ANO6: variants seen among roughly 807,000 people sequenced by gnomAD.
ANO6 encodes the protein anoctamin 6.
Under a neutral mutation model 117.5 loss-of-function variants are expected in ANO6, and 106 were observed. That is an observed-to-expected ratio of 0.90 (90% CI 0.77 to 1.06). The LOEUF (loss-of-function observed/expected upper bound fraction) is 1.06, where lower values mean the gene tolerates loss of function less well. Ranked by LOEUF, ANO6 falls within the 50% of genes least tolerant of loss-of-function variation. The pLI is 0.00. For synonymous variants in ANO6, 367 were observed against 385.1 expected (o/e 0.95, Z 0.55); for missense variants, 955 against 1,121.1 (o/e 0.85, Z 2.12).
intron 1 of ANO6, among the ~76,000 whole-genome samples, chr12:45,293,298 A>G (rs1351383038): frequency 6.6e-6 from 1 of 152,186 alleles, no homozygotes; most frequent in Non-Finnish European, 1.5e-5. Context: ...GTTGAATAAG[A>G]CAATGGCTTG....
rs1943625972 is a variant in ANO6 at position 45,431,279 on chromosome 12, T to G, written c.*1968T>G. 4 of 985,268 alleles carry G rather than the reference T, an allele frequency of 4.1e-6. 1 individual carries two copies. In the South Asian group the frequency reaches 1.9e-4, roughly 46 times the overall value. The allele number at this position is 985,268 out of a possible 1,614,324, so 61.0% of individuals were successfully genotyped here. On this transcript the variant is annotated 3_prime_UTR_variant, in exon 20 of 20. Coordinates refer to ENST00000320560, the MANE Select transcript of ANO6 (RefSeq NM_001025356.3). ...GACGGGAGTGCCACTGTTCCTCTCT[T>G]CACTCCTGAGATACTGCTTCTGGAA...
At chr12:45,356,488 CA>C (rs1941415084) in intron 7 of ANO6, among the ~76,000 whole-genome samples, 1 of 152,088 alleles carries the variant, frequency 6.6e-6, no homozygotes, top group East Asian at 1.9e-4. Flanking sequence ...ATAACATGAA[CA>C]ATCAATTAAC....
At chr12:45,359,296 T>C (rs752815094) in intron 8 of ANO6, among the ~76,000 whole-genome samples, 9 of 152,214 alleles carry the variant, frequency 5.9e-5, no homozygotes, top group African/African-American at 1.2e-4. Flanking sequence ...CTTGTGAATC[T>C]ACTCAGTATG....
intron 2 of ANO6, among the ~76,000 whole-genome samples, chr12:45,302,434 A>C (rs1939525994): frequency 1.3e-5 from 2 of 152,198 alleles, no homozygotes; most frequent in African/African-American, 4.8e-5. Flanking sequence ...TCTGGAAAGC[A>C]GTCTTTAAGC....
At chr12:45,287,382 C>T (rs1938951906) in intron 1 of ANO6, among the ~76,000 whole-genome samples, 1 of 152,184 alleles carries the variant, frequency 6.6e-6, no homozygotes, top group African/African-American at 2.4e-5. Context: ...CTCCATGCCT[C>T]TTCATCAGTG....
intron 12 of ANO6, among the ~76,000 whole-genome samples, chr12:45,395,775 T>A (rs1002556219): frequency 2.0e-5 from 3 of 152,202 alleles, no homozygotes; most frequent in Admixed American, 2.0e-4. Flanking sequence ...GAAAAGGCCT[T>A]TGACAAAATT....
chr12:45,274,383 G>T (rs1938482298), intron 1 of ANO6, among the ~76,000 whole-genome samples: 1 of 152,094 alleles, frequency 6.6e-6, no homozygotes, highest in South Asian at 2.1e-4. Flanking sequence ...TTTAACCTAT[G>T]CAGTGATACC....
intron 1 of ANO6, among the ~76,000 whole-genome samples, chr12:45,259,383 C>G (rs1937945483): frequency 6.6e-6 from 1 of 152,194 alleles, no homozygotes; most frequent in South Asian, 2.1e-4. Context: ...TTGGATTTCA[C>G]TAGATTCTCT....
rs1010215304 is a variant in ANO6 at position 45,430,825 on chromosome 12, C to T, written c.*1514C>T. ...CTCTGGAAAAGACAGGGAGCCAGGC[C>T]CTCTCACCCCTACTGGTAACAGGTC... On this transcript the variant is annotated 3_prime_UTR_variant, in exon 20 of 20. Coordinates refer to ENST00000320560, the MANE Select transcript of ANO6 (RefSeq NM_001025356.3). 8 of 985,242 alleles carry T rather than the reference C, an allele frequency of 8.1e-6. No homozygotes were observed. In the African/African-American group the frequency reaches 1.0e-4, roughly 13 times the overall value. The allele number at this position is 985,242 out of a possible 1,614,324, so 61.0% of individuals were successfully genotyped here. A position where few individuals can be genotyped will look rare whatever the true frequency, so the allele number is the denominator to read the frequency against.
At chr12:45,301,884 G>A in intron 1 of ANO6, 130 bp from the exon 2 acceptor site, 2 of 764,382 alleles carry the variant, frequency 2.6e-6, no homozygotes, top group Admixed American at 4.2e-5. Context: ...TAGCTGAAAG[G>A]GTTAAATAAT....
intron 10 of ANO6, chr12:45,383,193 A>C (rs1942212923): frequency 4.7e-6 from 1 of 210,894 alleles, no homozygotes; most frequent in Non-Finnish European, 9.5e-6. Context: ...CTTTCTTTGC[A>C]GATCCATAGA....
downstream of ANO6, among the ~76,000 whole-genome samples, chr12:45,435,663 T>C (rs573986614): frequency 2.0e-5 from 3 of 152,008 alleles, no homozygotes; most frequent in East Asian, 5.8e-4. Flanking sequence ...AAACATACCA[T>C]GTTTTAATTA....
intron 1 of ANO6, among the ~76,000 whole-genome samples, chr12:45,299,246 A>G (rs1334153141): frequency 6.6e-6 from 1 of 152,214 alleles, no homozygotes; most frequent in Non-Finnish European, 1.5e-5. Flanking sequence ...CAACTGTTGT[A>G]CTGGAATAAC....
chr12:45,347,038 A>G lies in ANO6; in HGVS notation c.296A>G (p.Tyr99Cys), dbSNP rs1565707891. 1 of 1,614,072 alleles carries G rather than the reference A, an allele frequency of 6.2e-7. No homozygotes were observed. The highest frequency in any genetic ancestry group is 8.5e-7 in the Non-Finnish European group (1 of 1,179,950). The change falls in exon 4 of 20, where the codon TAC (tyrosine) becomes TGC (cysteine). Residue 99 changes from tyrosine (Y) to cysteine (C), a missense_variant. Transcript: ENST00000320560. ...TTTTGACAGAGGAAAAGACAAGCATACGAATCTAACCTTATCTGTCATGGC... is the reference window on the plus strand; with the variant it reads ...TTTTGACAGAGGAAAAGACAAGCATGCGAATCTAACCTTATCTGTCATGGC... Reference protein sequence around the residue: ...NEKQRRKRQAYESNLICHGLQ... With the variant: ...NEKQRRKRQACESNLICHGLQ...
rs770562151 is a variant in ANO6 at position 45,331,343 on chromosome 12, C to T, written c.199C>T (p.Arg67Ter). 19 of 1,607,416 alleles carry T rather than the reference C, an allele frequency of 1.2e-5. No homozygotes were observed. The highest frequency in any genetic ancestry group is 1.7e-4 in the Middle Eastern group (1 of 6,042). The change falls in exon 3 of 20, where the codon CGA becomes TGA. Residue 67 changes from arginine (R) to a stop codon, truncating the protein, a stop_gained. Coordinates refer to ENST00000320560, the MANE Select transcript of ANO6 (RefSeq NM_001025356.3). LOFTEE classifies it high-confidence loss of function. The stretch of plus-strand genomic sequence containing the variant: ...CTCCCTCTTTTTTAATGATGGCCAG[C>T]GAAGAATTGACTTTGTTCTAGTATA... The part of the protein sequence containing the change: ...PDSLFFNDGQ[R>*]RIDFVLVYED...
At chr12:45,273,977 C>T (rs914053468) in intron 1 of ANO6, among the ~76,000 whole-genome samples, 3 of 152,232 alleles carry the variant, frequency 2.0e-5, no homozygotes, top group Non-Finnish European at 4.4e-5. Flanking sequence ...CAGCACGGGG[C>T]ACAACTGACC....
intron 8 of ANO6, among the ~76,000 whole-genome samples, chr12:45,362,326 G>A (rs12314896): frequency 0.37 from 56,755 of 151,680 alleles, 11,044 homozygotes; most frequent in South Asian, 0.52. Flanking sequence ...TTTTGTAAGA[G>A]TAACAGTAAT....
intron 2 of ANO6, among the ~76,000 whole-genome samples, chr12:45,309,145 G>A (rs1000003878): frequency 1.3e-5 from 2 of 152,054 alleles, no homozygotes; most frequent in African/African-American, 4.8e-5. Flanking sequence ...TGGCATTAGT[G>A]CATGAAAGGG....
intron 1 of ANO6, among the ~76,000 whole-genome samples, chr12:45,244,888 A>G (rs1220946286): frequency 1.3e-5 from 2 of 152,204 alleles, no homozygotes; most frequent in East Asian, 3.8e-4. Flanking sequence ...CATAGCAGGG[A>G]TGGAGAGCTT....
Sources: gnomAD v4.1 joint callset for allele counts (sites outside exome capture counted in the v4.1 genomes callset) on GRCh38, gnomAD v4.1.1 for gene constraint, MANE v1.5 for transcripts, NCBI Gene and HGNC (gene_info 2026-07-23, HGNC 2026-07-21) for gene names.